The following DSCAM variants were observed in gnomAD, a reference collection of about 807,000 sequenced individuals.
DSCAM encodes cell adhesion molecule DSCAM.
DSCAM carries 47 observed loss-of-function variants against 217.7 expected under a neutral mutation model. The ratio of observed to expected loss-of-function variants is 0.22; its 90% CI spans 0.17 to 0.28. The LOEUF is 0.28. Among genes scored for constraint, DSCAM ranks in the 10% least tolerant of loss-of-function variants. The probability of loss-of-function intolerance (pLI) is 1.00; values close to 1 mark genes in which losing one functional copy is unlikely to be tolerated. For synonymous variants in DSCAM, 1,056 were observed against 1,015.3 expected (o/e 1.04, Z -0.76); for missense variants, 2,080 against 2,618.3 (o/e 0.79, Z 4.49).
intron 3 of DSCAM, among the ~76,000 whole-genome samples, chr21:40,509,580 G>C (rs1318902643): frequency 6.6e-6 from 1 of 152,164 alleles, no homozygotes; most frequent in African/African-American, 2.4e-5. Context: ...TATGCAGTGG[G>C]TTCAGAATGA....
intron 3 of DSCAM, among the ~76,000 whole-genome samples, chr21:40,397,970 T>C (rs2075197255): frequency 6.6e-6 from 1 of 152,176 alleles, no homozygotes; most frequent in Non-Finnish European, 1.5e-5. Flanking sequence ...CTACTGCCAC[T>C]AGTTCTACCA....
chr21:40,172,143 C>A (rs1006652229), intron 15 of DSCAM, among the ~76,000 whole-genome samples: 2 of 152,172 alleles, frequency 1.3e-5, no homozygotes, highest in African/African-American at 4.8e-5. Context: ...GTGGTACATG[C>A]CCATAATCCC....
intron 3 of DSCAM, among the ~76,000 whole-genome samples, chr21:40,436,420 A>G (rs963144128): frequency 6.6e-6 from 1 of 152,220 alleles, no homozygotes; most frequent in Non-Finnish European, 1.5e-5. Context: ...AACAAGGCTG[A>G]GCTGAATTCT....
chr21:40,523,221 C>G (rs954107021), intron 3 of DSCAM, among the ~76,000 whole-genome samples: 1 of 152,166 alleles, frequency 6.6e-6, no homozygotes, highest in Non-Finnish European at 1.5e-5. Context: ...GCTCTACTCC[C>G]AGGCCTGTGC....
At chr21:40,696,392 G>A (rs1366367445) in intron 2 of DSCAM, among the ~76,000 whole-genome samples, 2 of 152,210 alleles carry the variant, frequency 1.3e-5, no homozygotes, top group East Asian at 3.9e-4. Flanking sequence ...AGGGAGGGAA[G>A]CAGCAAAGCA....
chr21:40,115,002 G>A (rs1204270252), intron 20 of DSCAM, among the ~76,000 whole-genome samples: 2 of 152,248 alleles, frequency 1.3e-5, no homozygotes, highest in Non-Finnish European at 2.9e-5. Context: ...GGAAGTCAGT[G>A]TGGCGATTCC....
At chr21:40,019,058 G>C (rs925585235) in intron 32 of DSCAM, among the ~76,000 whole-genome samples, 2 of 152,220 alleles carry the variant, frequency 1.3e-5, no homozygotes, top group Admixed American at 1.3e-4. Flanking sequence ...CACCAGAGTA[G>C]TCAGCGGTAA....
intron 11 of DSCAM, among the ~76,000 whole-genome samples, chr21:40,245,748 T>C (rs2146950672): frequency 1.3e-5 from 2 of 152,334 alleles, no homozygotes; most frequent in South Asian, 4.1e-4. Flanking sequence ...TGGTCTGCCA[T>C]GGGCTTTTGT....
intron 5 of DSCAM, among the ~76,000 whole-genome samples, chr21:40,351,059 C>T (rs894438356): frequency 6.6e-6 from 1 of 151,524 alleles, no homozygotes; most frequent in African/African-American, 2.4e-5. Context: ...CACAAACATA[C>T]TTTTAATGGA....
At chr21:40,742,652 G>C (rs2091135503) in intron 1 of DSCAM, among the ~76,000 whole-genome samples, 1 of 152,212 alleles carries the variant, frequency 6.6e-6, no homozygotes. Flanking sequence ...ACAGAGTAGA[G>C]GTTTGAGAAA....
chr21:40,590,692 T>C (rs1191922195), intron 3 of DSCAM, among the ~76,000 whole-genome samples: 3 of 152,190 alleles, frequency 2.0e-5, no homozygotes, highest in Non-Finnish European at 2.9e-5. Context: ...CAAGAGACTA[T>C]ACTTGGGTCT....
chr21:40,627,978 T>A (rs1032241496), intron 3 of DSCAM, among the ~76,000 whole-genome samples: 6 of 152,192 alleles, frequency 3.9e-5, no homozygotes, highest in Admixed American at 3.9e-4. Flanking sequence ...AAGTTGTGTG[T>A]CCGTGTATGT....
intron 3 of DSCAM, among the ~76,000 whole-genome samples, chr21:40,600,579 T>C (rs1444007826): frequency 6.6e-6 from 1 of 152,220 alleles, no homozygotes; most frequent in African/African-American, 2.4e-5. Flanking sequence ...TGCGGTTGTA[T>C]CTAAAAAGTC....
intron 20 of DSCAM, among the ~76,000 whole-genome samples, chr21:40,117,236 T>G (rs1300085233): frequency 6.6e-6 from 1 of 152,134 alleles, no homozygotes; most frequent in Admixed American, 6.5e-5. Flanking sequence ...AAAATTTAAT[T>G]CAACACACAT....
intron 3 of DSCAM, among the ~76,000 whole-genome samples, chr21:40,663,085 G>T (rs1601831172): frequency 1.3e-5 from 2 of 148,488 alleles, no homozygotes; most frequent in Admixed American, 6.7e-5. Context: ...GCCAGTATGT[G>T]TAGTATGTAT....
chr21:40,701,541 C>G (rs2090656550), intron 2 of DSCAM, among the ~76,000 whole-genome samples: 1 of 151,968 alleles, frequency 6.6e-6, no homozygotes, highest in African/African-American at 2.4e-5. Context: ...TTAAAAATTT[C>G]TAATATAAGT....
intron 3 of DSCAM, among the ~76,000 whole-genome samples, chr21:40,651,956 C>G (rs1484472457): frequency 6.6e-6 from 1 of 152,154 alleles, no homozygotes; most frequent in African/African-American, 2.4e-5. Context: ...GGTCAGCCCC[C>G]CCACCTTTTT....
chr21:40,192,454 C>G (rs2090961830), intron 11 of DSCAM, among the ~76,000 whole-genome samples: 1 of 152,152 alleles, frequency 6.6e-6, no homozygotes, highest in Non-Finnish European at 1.5e-5. Flanking sequence ...CTGCACTTCC[C>G]CTTCCTGCCG....
chr21:40,575,449 G>A (rs1208404715), intron 3 of DSCAM, among the ~76,000 whole-genome samples: 2 of 150,876 alleles, frequency 1.3e-5, no homozygotes, highest in Non-Finnish European at 3.0e-5. Flanking sequence ...GCATAAGACA[G>A]ACAATTAGAT....
Sources: gnomAD v4.1 joint callset for allele counts (sites outside exome capture counted in the v4.1 genomes callset) on GRCh38, gnomAD v4.1.1 for gene constraint, MANE v1.5 for transcripts, NCBI Gene and HGNC (gene_info 2026-07-23, HGNC 2026-07-21) for gene names.